COL21A1: variants seen among roughly 807,000 people sequenced by gnomAD.
COL21A1 encodes the protein collagen type XXI alpha 1 chain.
In COL21A1, 149 loss-of-function variants were observed where a neutral mutation model predicts 137.9. That is an observed-to-expected ratio of 1.08 (90% CI 0.95 to 1.24). COL21A1 has a LOEUF of 1.24. Among genes scored for constraint, COL21A1 ranks in the 50% most tolerant of loss-of-function variants. COL21A1 has a pLI of 0.00. For missense variants in COL21A1, 1,167 were observed against 1,158.4 expected (o/e 1.01, Z -0.11); for synonymous variants, 456 against 391.5 (o/e 1.16, Z -1.95).
chr6:56,197,965 A>G (rs1210377291), intron 1 of COL21A1, among the ~76,000 whole-genome samples: 1 of 152,104 alleles, frequency 6.6e-6, no homozygotes, highest in Non-Finnish European at 1.5e-5. Context: ...GTGTTCATCA[A>G]CTGAAGAATG....
At chr6:56,102,892 GGAGA>G (rs768542476) in intron 16 of COL21A1, among the ~76,000 whole-genome samples, 83,351 of 151,706 alleles carry the variant, frequency 0.55, 23,210 homozygotes, top group East Asian at 0.79. Flanking sequence ...CAAATTAGAG[GGAGA>G]GAAGTTACTG....
At chr6:56,198,858 G>A (rs1314852670) in intron 1 of COL21A1, among the ~76,000 whole-genome samples, 1 of 152,086 alleles carries the variant, frequency 6.6e-6, no homozygotes, top group Non-Finnish European at 1.5e-5. Context: ...TAACTATGGT[G>A]GCAGGAGTGA....
chr6:56,376,877 GA>G (rs547896173), intron 1 of COL21A1, among the ~76,000 whole-genome samples: 2 of 126,016 alleles, frequency 1.6e-5, no homozygotes, highest in Admixed American at 2.0e-4. Flanking sequence ...ACTGTCTATA[GA>G]AAAAAATCAC....
At chr6:56,294,035 C>A (rs1020832509) in intron 1 of COL21A1, among the ~76,000 whole-genome samples, 1 of 152,114 alleles carries the variant, frequency 6.6e-6, no homozygotes, top group African/African-American at 2.4e-5. Context: ...AATAAAACCA[C>A]AAAATTGATT....
Position 56,129,245 on chromosome 6 carries a change from A to AGT in COL21A1, c.1543-3098_1543-3097dup, listed in dbSNP as rs568051274. Reference sequence around the variant, plus strand: ...GCATATGTGTGCATGTGTACATATAAGTGTGTGTGTGTACTGGCAAAAGGG... The same window carrying AGT: ...GCATATGTGTGCATGTGTACATATAAGTGTGTGTGTGTGTACTGGCAAAAGGG... On this transcript the variant is annotated intron_variant, in intron 12 of 29. Coordinates refer to ENST00000244728, the MANE Select transcript of COL21A1 (RefSeq NM_030820.4). Among the ~76,000 whole-genome samples the AGT allele has an allele frequency of 1.9e-3, 283 of 152,174 alleles. 2 individuals are homozygous for AGT. Among genetic ancestry groups the AGT allele is most frequent in the African/African-American group, 6.0e-3 (251 of 41,538 alleles).
At chr6:56,098,690 T>C (rs1410319913) in intron 17 of COL21A1, among the ~76,000 whole-genome samples, 1 of 98,030 alleles carries the variant, frequency 1.0e-5, no homozygotes. Flanking sequence ...TATATATAAA[T>C]ATATAAATAT....
In COL21A1 at chr6:56,119,651, CA is replaced by C. The variant is rs570610623; in HGVS notation, c.1758+4410del. ...GTGGAGGAATTACATTACCCGACAT[CA>C]AATTATAGTACAGACCTATATTAAC... is the stretch of plus-strand genomic sequence containing the variant. On this transcript the variant is annotated intron_variant, in intron 16 of 29. Transcript: ENST00000244728. 5.5e-3 allele frequency among the ~76,000 whole-genome samples: 839 copies of C among 152,246 alleles called. 7 individuals are homozygous for C. Among genetic ancestry groups the C allele is most frequent in the African/African-American group, 0.019 (806 of 41,572 alleles).
chr6:56,167,905 C>T (rs1238709383), intron 6 of COL21A1, among the ~76,000 whole-genome samples: 5 of 152,066 alleles, frequency 3.3e-5, no homozygotes, highest in Non-Finnish European at 7.4e-5. Context: ...CCCAGGGGAA[C>T]ATTTTTCTAA....
chr6:56,090,097 G>A (rs1396718806), intron 17 of COL21A1, among the ~76,000 whole-genome samples: 1 of 152,076 alleles, frequency 6.6e-6, no homozygotes, highest in African/African-American at 2.4e-5. Flanking sequence ...AAATTAGCTG[G>A]GCATGGTGGC....
At chr6:56,148,830 T>G (rs1291072307) in intron 10 of COL21A1, among the ~76,000 whole-genome samples, 2 of 152,176 alleles carry the variant, frequency 1.3e-5, no homozygotes, top group African/African-American at 4.8e-5. Context: ...ATACCTGAAG[T>G]TCAGTGAATC....
intron 1 of COL21A1, among the ~76,000 whole-genome samples, chr6:56,316,284 C>A (rs1764732456): frequency 6.6e-6 from 1 of 151,890 alleles, no homozygotes; most frequent in South Asian, 2.1e-4. Flanking sequence ...TTATTGTAAT[C>A]ATTATGATGT....
chr6:56,265,064 T>A (rs984817748), intron 1 of COL21A1, among the ~76,000 whole-genome samples: 2 of 152,146 alleles, frequency 1.3e-5, no homozygotes, highest in Admixed American at 6.5e-5. Context: ...TACATGGAGA[T>A]CTTTTGGATT....
intron 1 of COL21A1, among the ~76,000 whole-genome samples, chr6:56,318,947 C>G (rs1284691773): frequency 1.3e-5 from 2 of 151,560 alleles, no homozygotes. Context: ...CACACACACA[C>G]TCTTAAACCC....
At chr6:56,133,736 C>T (rs979538316) in intron 12 of COL21A1, among the ~76,000 whole-genome samples, 13 of 152,120 alleles carry the variant, frequency 8.5e-5, no homozygotes, top group Non-Finnish European at 1.8e-4. Flanking sequence ...TGGTACCCTA[C>T]GTTCTAGCCA....
chr6:56,296,100 A>G (rs9357904), intron 1 of COL21A1, among the ~76,000 whole-genome samples: 130,022 of 151,812 alleles, frequency 0.86, 57,836 homozygotes, highest in South Asian at 0.99. Context: ...AGTTGAGGAA[A>G]TTCCCTCCAT....
intron 1 of COL21A1, among the ~76,000 whole-genome samples, chr6:56,186,050 T>A (rs1428409275): frequency 6.6e-6 from 1 of 152,072 alleles, no homozygotes; most frequent in African/African-American, 2.4e-5. Context: ...GTCCATTGAT[T>A]TAGCATACAA....
At chr6:56,292,557 G>A (rs1044841819) in intron 1 of COL21A1, among the ~76,000 whole-genome samples, 2 of 152,158 alleles carry the variant, frequency 1.3e-5, no homozygotes, top group African/African-American at 4.8e-5. Flanking sequence ...AGAGCTTGGA[G>A]TATCTCCCTC....
intron 1 of COL21A1, among the ~76,000 whole-genome samples, chr6:56,323,383 TTTTGTTTGTTTA>T (rs1167016707): frequency 6.6e-6 from 1 of 151,788 alleles, no homozygotes; most frequent in Non-Finnish European, 1.5e-5. Context: ...TCAAATGATG[TTTTGTTTGTTTA>T]TTTGTTTGTT....
At chr6:56,257,849 G>A (rs979135241) in intron 1 of COL21A1, among the ~76,000 whole-genome samples, 4 of 151,632 alleles carry the variant, frequency 2.6e-5, no homozygotes, top group South Asian at 2.1e-4. Flanking sequence ...ACAGGTGGCC[G>A]GTCAGATTTG....
Sources: allele counts gnomAD v4.1 joint callset (sites outside exome capture counted in the v4.1 genomes callset), GRCh38; gene constraint gnomAD v4.1.1; transcripts MANE v1.5; gene names NCBI Gene and HGNC (gene_info 2026-07-23, HGNC 2026-07-21).